Variants in SDK1 observed in about 807,000 individuals in gnomAD.
The protein encoded by SDK1 is sidekick cell adhesion molecule 1, also known as protein sidekick-1.
Under a neutral mutation model 245.5 loss-of-function variants are expected in SDK1, and 157 were observed. The observed-to-expected ratio is 0.64, with a 90% CI of 0.56 to 0.73. The LOEUF is 0.73. Among genes scored for constraint, SDK1 ranks in the 30% least tolerant of loss-of-function variants. The pLI is 0.00. For synonymous variants in SDK1, 1,647 were observed against 1,278.5 expected (o/e 1.29, Z -6.15); for missense variants, 3,583 against 3,002.3 (o/e 1.19, Z -4.52).
At chr7:3,353,033 C>A (rs1415358679) in intron 1 of SDK1, among the ~76,000 whole-genome samples, 1 of 152,150 alleles carries the variant, frequency 6.6e-6, no homozygotes, top group East Asian at 1.9e-4. Context: ...GTGATCATAT[C>A]CCACCGTGTC....
chr7:3,872,119 C>A (rs561396013), intron 5 of SDK1, among the ~76,000 whole-genome samples: 60 of 152,312 alleles, frequency 3.9e-4, no homozygotes, highest in African/African-American at 1.3e-3. Context: ...ACTTACCTTA[C>A]AATCCTTGGA....
intron 38 of SDK1, among the ~76,000 whole-genome samples, chr7:4,212,781 A>G (rs1281212788): frequency 6.6e-6 from 1 of 152,270 alleles, no homozygotes; most frequent in Non-Finnish European, 1.5e-5. Context: ...GACCATTTAA[A>G]TGAGAATTGA....
intron 5 of SDK1, among the ~76,000 whole-genome samples, chr7:3,949,281 T>C (rs1033609452): frequency 6.6e-6 from 1 of 152,246 alleles, no homozygotes; most frequent in Admixed American, 6.5e-5. Flanking sequence ...CATTCATTAC[T>C]TGGCTCTGTC....
intron 22 of SDK1, among the ~76,000 whole-genome samples, chr7:4,096,937 C>T (rs898634972): frequency 6.6e-6 from 1 of 152,214 alleles, no homozygotes; most frequent in Non-Finnish European, 1.5e-5. Flanking sequence ...CTCAAACACC[C>T]ACAGTGGCAG....
intron 4 of SDK1, among the ~76,000 whole-genome samples, chr7:3,662,041 A>AT (rs572659449): frequency 0.047 from 5,862 of 125,406 alleles, 268 homozygotes; most frequent in African/African-American, 0.13. Flanking sequence ...CAACGGTTGT[A>AT]TTTTTTTTTT....
intron 4 of SDK1, among the ~76,000 whole-genome samples, chr7:3,675,918 T>A (rs1783878738): frequency 6.6e-6 from 1 of 152,208 alleles, no homozygotes; most frequent in South Asian, 2.1e-4. Flanking sequence ...CTTTTATACG[T>A]TCCTTATATG....
At chr7:3,530,255 C>G (rs183492083) in intron 1 of SDK1, among the ~76,000 whole-genome samples, 18 of 152,210 alleles carry the variant, frequency 1.2e-4, no homozygotes, top group Admixed American at 6.5e-4. Flanking sequence ...TTTCAACTTG[C>G]CTGAGAGTAG....
intron 4 of SDK1, among the ~76,000 whole-genome samples, chr7:3,739,876 C>A (rs1415952121): frequency 1.3e-5 from 2 of 152,038 alleles, no homozygotes; most frequent in Non-Finnish European, 2.9e-5. Flanking sequence ...TATAATATGG[C>A]AATTTTGGAA....
At chr7:3,495,506 G>A (rs181314624) in intron 1 of SDK1, among the ~76,000 whole-genome samples, 86 of 152,150 alleles carry the variant, frequency 5.7e-4, no homozygotes, top group South Asian at 1.7e-3. Context: ...AGATCCTCCC[G>A]CCTCAGCCTC....
In SDK1 at chr7:3,436,823, G is replaced by A. The variant is rs376025096; in HGVS notation, c.298+134939G>A. On this transcript the variant is annotated intron_variant, in intron 1 of 44. Transcript: ENST00000404826. ...CTAGAGTTGTGAATAAGAGCCAGAAGAATGTTAAACTGCCTTTTAAAAACT... is the reference window on the plus strand; with the variant it reads ...CTAGAGTTGTGAATAAGAGCCAGAAAAATGTTAAACTGCCTTTTAAAAACT... 1.4e-4 allele frequency among the ~76,000 whole-genome samples: 22 copies of A among 152,240 alleles called. 1 individual carries two copies. The East Asian group carries it at 4.2e-3, about 29-fold the overall frequency.
Position 4,227,963 on chromosome 7 carries a change from C to G in SDK1, c.5828-5292C>G, listed in dbSNP as rs1370206282. The stretch of plus-strand genomic sequence containing the variant: ...GACAAGCATGGATGGATAGCAGAAC[C>G]TATTTATACAGAAAAGATTTCTTTT... On this transcript the variant is annotated intron_variant, in intron 40 of 44. Transcript: ENST00000404826. 2.0e-5 allele frequency among the ~76,000 whole-genome samples: 3 copies of G among 152,166 alleles called. No homozygotes were observed. The East Asian group carries it at 5.8e-4, about 29-fold the overall frequency.
In SDK1 at chr7:3,567,976, C is replaced by A. The variant is rs551772614; in HGVS notation, c.299-51104C>A. On this transcript the variant is annotated intron_variant, in intron 1 of 44. Transcript: ENST00000404826. ...GGACCACAGGTATGCACAACCATGCCTGGCTAATTTTTTGATTGTTTTTTT... is the reference window on the plus strand; with the variant it reads ...GGACCACAGGTATGCACAACCATGCATGGCTAATTTTTTGATTGTTTTTTT... Among the ~76,000 whole-genome samples the A allele has an allele frequency of 7.2e-5, 11 of 152,164 alleles. No homozygotes were observed. The East Asian group carries it at 2.1e-3, about 29-fold the overall frequency.
At chr7:3,452,578 C>T (rs1384295795) in intron 1 of SDK1, among the ~76,000 whole-genome samples, 2 of 152,158 alleles carry the variant, frequency 1.3e-5, no homozygotes, top group African/African-American at 4.8e-5. Context: ...ATTTTGTGTA[C>T]ACTTTCATAC....
intron 1 of SDK1, among the ~76,000 whole-genome samples, chr7:3,599,527 C>G (rs1781186281): frequency 6.6e-6 from 1 of 152,132 alleles, no homozygotes; most frequent in African/African-American, 2.4e-5. Context: ...TATGTCAGGT[C>G]TAAGAGTCTT....
intron 4 of SDK1, among the ~76,000 whole-genome samples, chr7:3,698,254 C>T (rs1268850263): frequency 6.6e-6 from 1 of 152,198 alleles, no homozygotes; most frequent in Non-Finnish European, 1.5e-5. Flanking sequence ...GAGCAGGGAG[C>T]TTAGACTTTC....
intron 4 of SDK1, among the ~76,000 whole-genome samples, chr7:3,817,068 A>C (rs889875737): frequency 1.3e-5 from 2 of 152,198 alleles, no homozygotes; most frequent in Non-Finnish European, 2.9e-5. Context: ...ATAATGTATA[A>C]ATTGATGTGG....
chr7:3,981,309 C>T (rs908111806), intron 13 of SDK1, among the ~76,000 whole-genome samples: 5 of 152,176 alleles, frequency 3.3e-5, no homozygotes, highest in Non-Finnish European at 5.9e-5. Flanking sequence ...TCTGACTGCT[C>T]CACCAACAGG....
At chr7:3,562,715 C>T (rs532413553) in intron 1 of SDK1, among the ~76,000 whole-genome samples, 1 of 152,310 alleles carries the variant, frequency 6.6e-6, no homozygotes, top group East Asian at 1.9e-4. Context: ...AGTGCAATCA[C>T]GTTAAGTTCT....
chr7:3,339,752 C>T (rs1780296985), intron 1 of SDK1, among the ~76,000 whole-genome samples: 1 of 152,000 alleles, frequency 6.6e-6, no homozygotes, highest in African/African-American at 2.4e-5. Flanking sequence ...AAATTTATAG[C>T]ACTGTTATAA....
Sources: allele counts gnomAD v4.1 joint callset (sites outside exome capture counted in the v4.1 genomes callset), GRCh38; gene constraint gnomAD v4.1.1; transcripts MANE v1.5; gene names NCBI Gene and HGNC (gene_info 2026-07-23, HGNC 2026-07-21).